Variants in DLG3 observed in about 807,000 individuals in gnomAD.
The protein encoded by DLG3 is discs large MAGUK scaffold protein 3, also known as disks large homolog 3.
DLG3 carries 1 observed loss-of-function variant against 64.1 expected under a neutral mutation model. The observed-to-expected ratio is 0.02, with a 90% CI of 0.01 to 0.07. The LOEUF (loss-of-function observed/expected upper bound fraction) is 0.07, where lower values mean the gene tolerates loss of function less well. Ranked by LOEUF, DLG3 falls within the 10% of genes least tolerant of loss-of-function variation. DLG3 has a pLI of 1.00. For missense variants in DLG3, 429 were observed against 669.5 expected (o/e 0.64, Z 3.96); for synonymous variants, 245 against 259.8 (o/e 0.94, Z 0.55).
At chrX:70,452,926 C>T in intron 7 of DLG3, 1 of 438,933 alleles carries the variant, frequency 2.3e-6, no homozygotes, top group East Asian at 4.0e-5. Context: ...GGGAGTTGGG[C>T]GGATGACACT....
chrX:70,490,527 A>G (rs1379633420), intron 10 of DLG3, among the ~76,000 whole-genome samples: 2 of 112,314 alleles, frequency 1.8e-5, no homozygotes, highest in Non-Finnish European at 3.8e-5. Flanking sequence ...GCTTTTTGTT[A>G]GAGTTTGGGT....
At chrX:70,479,779 G>C (rs937602348) in intron 10 of DLG3, among the ~76,000 whole-genome samples, 1 of 111,199 alleles carries the variant, frequency 9.0e-6, no homozygotes, top group African/African-American at 3.3e-5. Flanking sequence ...CGCTGCACTG[G>C]TCTGCTGTAT....
intron 9 of DLG3, among the ~76,000 whole-genome samples, chrX:70,457,038 A>G (rs2086721276): frequency 8.9e-6 from 1 of 112,151 alleles, no homozygotes; most frequent in Admixed American, 9.4e-5. Context: ...CTTCACGTGA[A>G]TGTGAGAGCT....
At chrX:70,480,008 T>C (rs1032761051) in intron 10 of DLG3, among the ~76,000 whole-genome samples, 1 of 111,988 alleles carries the variant, frequency 8.9e-6, no homozygotes, top group African/African-American at 3.2e-5. Context: ...GGACTCCTCA[T>C]AGAATTAGGG....
Position 70,504,141 on chromosome X carries a change from G to C in DLG3, c.*1872G>C, listed in dbSNP as rs1200870178. ...CTTTCCCTGGGCAGTACAATGGCTT[G>C]AAGGCAAAAAGGGATAAAGTGACAG... On this transcript the variant is annotated 3_prime_UTR_variant, in exon 19 of 19. Coordinates refer to ENST00000374360, the MANE Select transcript of DLG3 (RefSeq NM_021120.4). 2 of 111,797 alleles carry C rather than the reference G, an allele frequency of 1.8e-5. No homozygotes were observed. The highest frequency in any genetic ancestry group is 3.8e-5 in the Non-Finnish European group (2 of 53,131). The allele number at this position is 111,797 out of a possible 1,213,427, so 9.2% of individuals were successfully genotyped here. A position where few individuals can be genotyped will look rare whatever the true frequency, so the allele number is the denominator to read the frequency against.
intron 9 of DLG3, among the ~76,000 whole-genome samples, chrX:70,461,194 G>T (rs754987365): frequency 9.8e-5 from 11 of 111,990 alleles, no homozygotes; most frequent in African/African-American, 3.2e-4. Context: ...GTATGTAAGG[G>T]TTCCAATTTC....
chrX:70,497,072 C>T, intron 13 of DLG3: 1 of 816,523 alleles, frequency 1.2e-6, no homozygotes, highest in Non-Finnish European at 1.8e-6. Context: ...GGTGGCCTGA[C>T]TCAGTTGGCA....
At chrX:70,461,693 T>A (rs985633562) in intron 9 of DLG3, among the ~76,000 whole-genome samples, 3 of 109,894 alleles carry the variant, frequency 2.7e-5, no homozygotes, top group Non-Finnish European at 5.7e-5. Flanking sequence ...CCCAAGTAGC[T>A]GGGATTACAG....
chrX:70,497,305 T>C, intron 13 of DLG3: 1 of 964,199 alleles, frequency 1.0e-6, no homozygotes, highest in Non-Finnish European at 1.5e-6. Flanking sequence ...CAGCTGCCAT[T>C]GCTGCTCAGA....
chrX:70,477,975 A>G (rs1318590320), intron 9 of DLG3, among the ~76,000 whole-genome samples: 2 of 111,354 alleles, frequency 1.8e-5, no homozygotes, highest in Non-Finnish European at 3.8e-5. Flanking sequence ...CCAGCCCTCT[A>G]TGGTGCACGA....
At chrX:70,493,356 A>G in intron 12 of DLG3, 2 of 1,174,404 alleles carry the variant, frequency 1.7e-6, no homozygotes, top group African/African-American at 1.8e-5. Context: ...CTTCCCCTCC[A>G]TCTTCATGTT....
At chrX:70,466,662 A>T (rs2016915498) in intron 9 of DLG3, among the ~76,000 whole-genome samples, 1 of 109,656 alleles carries the variant, frequency 9.1e-6, no homozygotes, top group Non-Finnish European at 1.9e-5. Flanking sequence ...CTGGCCTCGA[A>T]CTCCTGGCCT....
chrX:70,467,799 A>C (rs115061392), intron 9 of DLG3, among the ~76,000 whole-genome samples: 22 of 111,726 alleles, frequency 2.0e-4, no homozygotes, highest in African/African-American at 7.1e-4. Context: ...TGTTTTTTGG[A>C]TGAGGTATTT....
chrX:70,449,298 C>T, intron 2 of DLG3, 61 bp from the exon 3 acceptor site: 14 of 1,204,131 alleles, frequency 1.2e-5, no homozygotes, highest in South Asian at 1.8e-5. Context: ...GATGAGGTAC[C>T]CAGAACTCTC....
chrX:70,479,938 A>G (rs879141964), intron 10 of DLG3, among the ~76,000 whole-genome samples: 2 of 111,891 alleles, frequency 1.8e-5, no homozygotes, highest in Admixed American at 9.5e-5. Flanking sequence ...GCATAGCTTA[A>G]TACTTTGTCA....
intron 12 of DLG3, among the ~76,000 whole-genome samples, chrX:70,494,236 G>A (rs1329983989): frequency 1.8e-5 from 2 of 112,648 alleles, no homozygotes; most frequent in East Asian, 2.8e-4. Flanking sequence ...TTGCTCTACC[G>A]TGTGCCTCAG....
chrX:70,470,410 T>C (rs1243263922), intron 9 of DLG3, among the ~76,000 whole-genome samples: 1 of 111,120 alleles, frequency 9.0e-6, no homozygotes, highest in African/African-American at 3.3e-5. Flanking sequence ...TTTGTATTTT[T>C]AGTAGAGACA....
In DLG3 at chrX:70,504,136, G is replaced by T. The variant is rs930256876; in HGVS notation, c.*1867G>T. On this transcript the variant is annotated 3_prime_UTR_variant, in exon 19 of 19. Transcript: ENST00000374360. ...AGCGGCTTTCCCTGGGCAGTACAATGGCTTGAAGGCAAAAAGGGATAAAGT... is the reference window on the plus strand; with the variant it reads ...AGCGGCTTTCCCTGGGCAGTACAATTGCTTGAAGGCAAAAAGGGATAAAGT... 8.9e-6 allele frequency: 1 copy of T among 111,873 alleles called. No individual in the cohort carries two copies. Among genetic ancestry groups the T allele is most frequent in the Non-Finnish European group, 1.9e-5 (1 of 53,156 alleles). The allele number at this position is 111,873 out of a possible 1,213,427, so 9.2% of individuals were successfully genotyped here.
At chrX:70,453,069 G>A (rs1042772980) in intron 7 of DLG3, 21 of 226,935 alleles carry the variant, frequency 9.3e-5, no homozygotes, top group Non-Finnish European at 1.3e-4. Flanking sequence ...CCCAGGCGCT[G>A]CAACCCCCTG....
Sources: gnomAD v4.1 joint callset for allele counts (sites outside exome capture counted in the v4.1 genomes callset) on GRCh38, gnomAD v4.1.1 for gene constraint, MANE v1.5 for transcripts, NCBI Gene and HGNC (gene_info 2026-07-23, HGNC 2026-07-21) for gene names.